Variants in KCNMA1 observed in about 807,000 individuals in gnomAD.
KCNMA1 encodes Calcium-activated potassium channel subunit alpha-1.
A neutral mutation model predicts 140.0 loss-of-function variants in KCNMA1; 29 were observed. The observed-to-expected ratio is 0.21, with a 90% confidence interval of 0.15 to 0.28. The LOEUF is 0.28. Ranked by LOEUF, KCNMA1 falls within the 10% of genes least tolerant of loss-of-function variation. The pLI is 1.00. For synonymous variants in KCNMA1, 612 were observed against 611.9 expected (o/e 1.00, Z 0.00); for missense variants, 880 against 1,602.2 (o/e 0.55, Z 7.70).
intron 1 of KCNMA1, among the ~76,000 whole-genome samples, chr10:77,550,996 T>A (rs1284031970): frequency 6.6e-6 from 1 of 152,112 alleles, no homozygotes; most frequent in African/African-American, 2.4e-5. Context: ...AAGAACGCTA[T>A]TCCTATTTAT....
chr10:77,431,826 T>A (rs1179690314), intron 1 of KCNMA1, among the ~76,000 whole-genome samples: 1 of 148,206 alleles, frequency 6.7e-6, no homozygotes, highest in Non-Finnish European at 1.5e-5. Flanking sequence ...TGAAACCCCA[T>A]CTCTAAAATA....
intron 5 of KCNMA1, among the ~76,000 whole-genome samples, chr10:77,133,904 C>T (rs996525801): frequency 2.0e-5 from 3 of 152,034 alleles, no homozygotes; most frequent in Non-Finnish European, 2.9e-5. Flanking sequence ...GTCACATTTA[C>T]CACAAAGCAA....
At position 77,113,753 on chromosome 10, in the gene KCNMA1, C is replaced by T. The variant is rs146714946; in HGVS notation, c.885-1311G>A. The stretch of plus-strand genomic sequence containing the variant: ...TGCTAGGATTACAGGTGTGATCCAC[C>T]GCGCCCAGCCCAGTTTATTTTTTAA... On this transcript the variant is annotated intron_variant, in intron 6 of 27. Coordinates refer to ENST00000286628, the MANE Select transcript of KCNMA1 (RefSeq NM_001161352.2). Among the ~76,000 whole-genome samples the T allele has an allele frequency of 3.4e-4, 51 of 152,212 alleles. No individual in the cohort carries two copies. In the East Asian group the frequency reaches 8.5e-3, roughly 25 times the overall value.
At chr10:77,434,608 A>G (rs1420644189) in intron 1 of KCNMA1, among the ~76,000 whole-genome samples, 1 of 152,218 alleles carries the variant, frequency 6.6e-6, no homozygotes, top group Non-Finnish European at 1.5e-5. Flanking sequence ...CCCCGAACCC[A>G]GAACACAGCT....
chr10:77,620,990 C>T (rs1348148718), intron 1 of KCNMA1, among the ~76,000 whole-genome samples: 1 of 152,156 alleles, frequency 6.6e-6, no homozygotes, highest in Non-Finnish European at 1.5e-5. Context: ...GACCCCATAT[C>T]CCCGGGAAAA....
At position 76,886,245 on chromosome 10, in the gene KCNMA1, G is replaced by A. The variant is rs2036869112; in HGVS notation, c.*1021C>T. Reference sequence around the variant, plus strand: ...TTGGGGCCCTAACTAATCAAACAAAGGGGAGTAAAAAGATCCCCTGAGAAT... The same window carrying A: ...TTGGGGCCCTAACTAATCAAACAAAAGGGAGTAAAAAGATCCCCTGAGAAT... On this transcript the variant is annotated 3_prime_UTR_variant, in exon 28 of 28. Coordinates refer to ENST00000286628, the MANE Select transcript of KCNMA1 (RefSeq NM_001161352.2). 1 of 985,324 alleles carries A rather than the reference G, an allele frequency of 1.0e-6. No individual in the cohort carries two copies. 61.0% of individuals were successfully genotyped at this position (985,324 alleles called of 1,614,324 possible). A position where few individuals can be genotyped will look rare whatever the true frequency, so the allele number is the denominator to read the frequency against.
intron 9 of KCNMA1, among the ~76,000 whole-genome samples, chr10:77,093,827 C>T (rs2096868594): frequency 1.3e-5 from 2 of 152,104 alleles, no homozygotes; most frequent in South Asian, 4.1e-4. Context: ...TTGAAGAATG[C>T]CAAAAAAGAT....
intron 23 of KCNMA1, among the ~76,000 whole-genome samples, chr10:76,935,402 A>C (rs2060300798): frequency 6.6e-6 from 1 of 152,212 alleles, no homozygotes; most frequent in South Asian, 2.1e-4. Flanking sequence ...AGACAGGCTG[A>C]TGTGCCGAGA....
At chr10:76,992,901 A>G (rs542187734) in intron 19 of KCNMA1, among the ~76,000 whole-genome samples, 78 of 152,288 alleles carry the variant, frequency 5.1e-4, no homozygotes, top group African/African-American at 1.9e-3. Context: ...GTGTTTGAAA[A>G]CTACAGTGGA....
chr10:77,546,998 C>T (rs1489199910), intron 1 of KCNMA1, among the ~76,000 whole-genome samples: 1 of 152,210 alleles, frequency 6.6e-6, no homozygotes, highest in Non-Finnish European at 1.5e-5. Flanking sequence ...AGACACAAAT[C>T]TCATTCCAGA....
At chr10:77,575,693 T>A (rs180862956) in intron 1 of KCNMA1, among the ~76,000 whole-genome samples, 11 of 152,248 alleles carry the variant, frequency 7.2e-5, no homozygotes, top group African/African-American at 2.7e-4. Context: ...CCGGGGAGCA[T>A]CTGAAGTTCC....
chr10:77,545,367 G>A (rs76643221), intron 1 of KCNMA1, among the ~76,000 whole-genome samples: 2 of 152,216 alleles, frequency 1.3e-5, no homozygotes, highest in South Asian at 2.1e-4. Flanking sequence ...AGGACTGACA[G>A]TGAGTGGAGG....
intron 2 of KCNMA1, among the ~76,000 whole-genome samples, chr10:77,388,601 G>A (rs1160624719): frequency 6.6e-6 from 1 of 152,134 alleles, no homozygotes; most frequent in East Asian, 1.9e-4. Context: ...TCAGGAAAGT[G>A]GATTGTTTTT....
chr10:77,081,894 C>G (rs1011775479), intron 12 of KCNMA1, among the ~76,000 whole-genome samples: 2 of 151,636 alleles, frequency 1.3e-5, no homozygotes, highest in South Asian at 2.1e-4. Context: ...AAAGACAAAG[C>G]CCATTTTTAA....
intron 14 of KCNMA1, among the ~76,000 whole-genome samples, chr10:77,056,541 T>C (rs1307314671): frequency 2.6e-5 from 4 of 152,052 alleles, no homozygotes; most frequent in African/African-American, 9.7e-5. Flanking sequence ...AAAAATTACT[T>C]GCCATAAGAG....
intron 19 of KCNMA1, among the ~76,000 whole-genome samples, chr10:76,975,750 G>T (rs186110679): frequency 6.6e-6 from 1 of 152,306 alleles, no homozygotes; most frequent in East Asian, 1.9e-4. Flanking sequence ...TAAGAAGTTT[G>T]ATAAGCACTG....
intron 5 of KCNMA1, among the ~76,000 whole-genome samples, chr10:77,172,448 C>T (rs2098715923): frequency 6.6e-6 from 1 of 152,100 alleles, no homozygotes; most frequent in African/African-American, 2.4e-5. Flanking sequence ...CAAGGGAACA[C>T]AATTGGAAAT....
chr10:77,387,603 T>TTTTA (rs2095658948), intron 2 of KCNMA1, among the ~76,000 whole-genome samples: 1 of 149,966 alleles, frequency 6.7e-6, no homozygotes, highest in Non-Finnish European at 1.5e-5. Context: ...TTTTCTTTTC[T>TTTTA]TTTCTTTCTT....
rs185592317 is a variant in KCNMA1 at position 77,417,697 on chromosome 10, G to T, written c.379-13674C>A. Among the ~76,000 whole-genome samples the T allele has an allele frequency of 4.3e-3, 657 of 152,350 alleles. 3 individuals are homozygous for T. The highest frequency in any genetic ancestry group is 6.4e-3 in the Non-Finnish European group (437 of 68,030). ...TGATTTAGGACCTAATCCAGTCTGT[G>T]CCTATAGACCTCACCAACTGAACAT... On this transcript the variant is annotated intron_variant, in intron 1 of 27. Coordinates refer to ENST00000286628, the MANE Select transcript of KCNMA1 (RefSeq NM_001161352.2).
Sources: gnomAD v4.1 joint callset for allele counts (sites outside exome capture counted in the v4.1 genomes callset) on GRCh38, gnomAD v4.1.1 for gene constraint, MANE v1.5 for transcripts, NCBI Gene and HGNC (gene_info 2026-07-23, HGNC 2026-07-21) for gene names.